The following PTCHD4 variants were observed in gnomAD, a reference collection of about 807,000 sequenced individuals.
The protein encoded by PTCHD4 is patched domain-containing protein 4.
Under a neutral mutation model 58.1 loss-of-function variants are expected in PTCHD4, and 33 were observed. That is an observed-to-expected ratio of 0.57 (90% CI 0.43 to 0.76). The LOEUF (loss-of-function observed/expected upper bound fraction) is 0.76, where lower values mean the gene tolerates loss of function less well. Ranked by LOEUF, PTCHD4 falls within the 30% of genes least tolerant of loss-of-function variation. The pLI is 0.00. For missense variants in PTCHD4, 1,058 were observed against 1,027.1 expected (o/e 1.03, Z -0.41); for synonymous variants, 478 against 409.6 (o/e 1.17, Z -2.02).
chr6:48,068,650 G>A lies in PTCHD4; in HGVS notation c.6-9C>T. The A allele has an allele frequency of 6.5e-7, 1 of 1,540,568 alleles. No homozygotes were observed. Among genetic ancestry groups the A allele is most frequent in the African/African-American group, 1.4e-5 (1 of 73,206 alleles). On this transcript the variant is annotated splice_polypyrimidine_tract_variant and intron_variant, in intron 2 of 4. Coordinates refer to ENST00000339488, the MANE Select transcript of PTCHD4 (RefSeq NM_001384253.1). This position sits in a 1 kb window ranked among gnomAD's most constrained non-coding sequence, Gnocchi z 4.2. Reference sequence around the variant, plus strand: ...CAGGCGCTCCCGGCCGTCTTAAAAAGCACATGTGACATGTGTAAGCGCCGG... The same window carrying A: ...CAGGCGCTCCCGGCCGTCTTAAAAAACACATGTGACATGTGTAAGCGCCGG...
At position 47,861,183 on chromosome 6, in the gene PTCHD4, C is replaced by T. The variant is rs10948385; in HGVS notation, c.*17120G>A. 0.67 allele frequency among the ~76,000 whole-genome samples: 101,941 copies of T among 151,746 alleles called. 34,677 individuals are homozygous for T. The highest frequency in any genetic ancestry group is 0.78 in the East Asian group (4,013 of 5,130). ...CTTCTTTTTACCTAAACTACTTAGTCCTGATTTTTCTTTAGGCCATCCTTC... is the reference window on the plus strand; with the variant it reads ...CTTCTTTTTACCTAAACTACTTAGTTCTGATTTTTCTTTAGGCCATCCTTC... On this transcript the variant is annotated 3_prime_UTR_variant, in exon 5 of 5. Coordinates refer to ENST00000339488, the MANE Select transcript of PTCHD4 (RefSeq NM_001384253.1).
At chr6:47,895,775 C>T (rs563500874) in intron 4 of PTCHD4, among the ~76,000 whole-genome samples, 10 of 152,026 alleles carry the variant, frequency 6.6e-5, no homozygotes, top group Admixed American at 2.0e-4. Context: ...GTTGTATCCT[C>T]GTATGCCAAG....
At chr6:47,992,555 T>C (rs1297349938) in intron 4 of PTCHD4, among the ~76,000 whole-genome samples, 2 of 152,228 alleles carry the variant, frequency 1.3e-5, no homozygotes, top group Admixed American at 1.3e-4. Context: ...ATGCAGGTTT[T>C]ATACAGTTTC....
intron 1 of PTCHD4, among the ~76,000 whole-genome samples, chr6:48,088,039 A>G (rs1176084326): frequency 6.6e-6 from 1 of 152,176 alleles, no homozygotes; most frequent in Non-Finnish European, 1.5e-5. Context: ...CCATAATTTT[A>G]TTTCAAAAAT....
intron 4 of PTCHD4, among the ~76,000 whole-genome samples, chr6:47,975,808 GCTT>G (rs1308732739): frequency 1.3e-5 from 2 of 152,170 alleles, no homozygotes; most frequent in African/African-American, 4.8e-5. Context: ...TGCATAGTGT[GCTT>G]CTTCAACTTT....
At chr6:48,098,733 T>C (rs890036199) in intron 1 of PTCHD4, among the ~76,000 whole-genome samples, 2 of 152,238 alleles carry the variant, frequency 1.3e-5, no homozygotes, top group African/African-American at 4.8e-5. Context: ...AGAAAGAGAC[T>C]AATCTTAACA....
intron 1 of PTCHD4, among the ~76,000 whole-genome samples, chr6:48,096,721 G>T (rs529520092): frequency 1.3e-5 from 2 of 152,228 alleles, no homozygotes; most frequent in Admixed American, 1.3e-4. Flanking sequence ...ACAGCATGGG[G>T]CAATATTGTG....
At chr6:47,918,194 C>T (rs1488676369) in intron 4 of PTCHD4, among the ~76,000 whole-genome samples, 1 of 151,388 alleles carries the variant, frequency 6.6e-6, no homozygotes, top group Non-Finnish European at 1.5e-5. Context: ...CAGAAAACCA[C>T]CCTTTTTGAA....
chr6:47,994,410 C>CA (rs1417171294), intron 4 of PTCHD4, among the ~76,000 whole-genome samples: 1 of 152,126 alleles, frequency 6.6e-6, no homozygotes, highest in East Asian at 1.9e-4. Context: ...TACTAGTTGC[C>CA]TGGGACACAA....
rs187932447 is a variant in PTCHD4 at position 48,053,223 on chromosome 6, C to T, written c.417+15007G>A. 3.8e-4 allele frequency among the ~76,000 whole-genome samples: 57 copies of T among 151,984 alleles called. 2 individuals are homozygous for T. In the South Asian group the frequency reaches 0.01, roughly 27 times the overall value. On this transcript the variant is annotated intron_variant, in intron 3 of 4. Transcript: ENST00000339488. ...AGAGACAGAAAACATGCAATTTGGCCGGAGAATGTCAAGTAAGTCTTGTTT... is the reference window on the plus strand; with the variant it reads ...AGAGACAGAAAACATGCAATTTGGCTGGAGAATGTCAAGTAAGTCTTGTTT...
chr6:47,988,700 G>C (rs1040382458), intron 4 of PTCHD4, among the ~76,000 whole-genome samples: 1 of 152,188 alleles, frequency 6.6e-6, no homozygotes, highest in African/African-American at 2.4e-5. Context: ...TGCTCTTGCT[G>C]CTGCCATGTG....
intron 4 of PTCHD4, among the ~76,000 whole-genome samples, chr6:47,955,220 A>C (rs1289399290): frequency 6.6e-6 from 1 of 152,260 alleles, no homozygotes; most frequent in Non-Finnish European, 1.5e-5. Flanking sequence ...AAATTAGTAT[A>C]AGGCATTAAC....
intron 4 of PTCHD4, among the ~76,000 whole-genome samples, chr6:47,974,815 G>A (rs1027326116): frequency 6.6e-6 from 1 of 152,188 alleles, no homozygotes; most frequent in African/African-American, 2.4e-5. Context: ...TGGCAAGCAA[G>A]GAAGTTGGAC....
chr6:47,929,319 G>T (rs913572736), intron 4 of PTCHD4, among the ~76,000 whole-genome samples: 12 of 152,144 alleles, frequency 7.9e-5, no homozygotes, highest in African/African-American at 2.7e-4. Flanking sequence ...GCATTAAATA[G>T]GTCACTGAAT....
chr6:48,016,511 A>T (rs758983598), intron 3 of PTCHD4, among the ~76,000 whole-genome samples: 5 of 152,010 alleles, frequency 3.3e-5, no homozygotes, highest in Non-Finnish European at 5.9e-5. Context: ...ATGTCAGCTG[A>T]GGCAGTTTCT....
intron 4 of PTCHD4, among the ~76,000 whole-genome samples, chr6:47,902,540 G>C (rs1367010419): frequency 1.3e-5 from 2 of 152,094 alleles, no homozygotes; most frequent in Admixed American, 1.3e-4. Flanking sequence ...AGATGAAGAG[G>C]ATTTAAATTG....
intron 1 of PTCHD4, among the ~76,000 whole-genome samples, chr6:48,106,939 T>C (rs1468389890): frequency 1.3e-5 from 2 of 152,020 alleles, no homozygotes; most frequent in Non-Finnish European, 1.5e-5. Context: ...GACTGCTCAA[T>C]GAAATAAAAG....
chr6:47,969,999 C>T (rs552157664), intron 4 of PTCHD4, among the ~76,000 whole-genome samples: 18 of 152,184 alleles, frequency 1.2e-4, no homozygotes, highest in Non-Finnish European at 2.4e-4. Context: ...TTAAGGAGGT[C>T]GCATTAGTTC....
chr6:48,014,357 A>G (rs557373291), intron 3 of PTCHD4, among the ~76,000 whole-genome samples: 2 of 152,288 alleles, frequency 1.3e-5, no homozygotes, highest in Admixed American at 6.5e-5. Flanking sequence ...AGATGCTTCT[A>G]TGTAGGAAAG....
Sources: allele counts gnomAD v4.1 joint callset (sites outside exome capture counted in the v4.1 genomes callset), GRCh38; gene constraint gnomAD v4.1.1; non-coding constraint Gnocchi (gnomAD v3.1); transcripts MANE v1.5; gene names NCBI Gene and HGNC (gene_info 2026-07-23, HGNC 2026-07-21).